UGT1A7: variants seen among roughly 807,000 people sequenced by gnomAD.
UGT1A7 encodes the protein UDP-glucuronosyltransferase 1A7.
Under a neutral mutation model 45.6 loss-of-function variants are expected in UGT1A7, and 33 were observed. The observed-to-expected ratio is 0.72, with a 90% CI of 0.55 to 0.97. UGT1A7 has a LOEUF of 0.97. Ranked by LOEUF, UGT1A7 falls within the 50% of genes least tolerant of loss-of-function variation. The pLI is 0.00. For missense variants in UGT1A7, 684 were observed against 666.2 expected, an observed-to-expected ratio of 1.03 and a Z score of -0.29; for synonymous variants, 274 against 250.6, an observed-to-expected ratio of 1.09 and a Z score of -0.88.
chr2:233,687,045 C>T (rs1028315150), intron 1 of UGT1A7, among the ~76,000 whole-genome samples: 8 of 152,150 alleles, frequency 5.3e-5, no homozygotes, highest in African/African-American at 1.2e-4. Context: ...TTTGAGCACG[C>T]GGACCCTGGA....
chr2:233,759,175 A>G (rs970817812), intron 1 of UGT1A7, among the ~76,000 whole-genome samples: 3 of 152,178 alleles, frequency 2.0e-5, no homozygotes, highest in African/African-American at 7.2e-5. Context: ...GGCAGGTTTC[A>G]CGGCAAAAAG....
At chr2:233,745,951 T>G (rs946594198) in intron 1 of UGT1A7, among the ~76,000 whole-genome samples, 1 of 151,238 alleles carries the variant, frequency 6.6e-6, no homozygotes, top group African/African-American at 2.4e-5. Context: ...GTTGGGCAAC[T>G]GGGGGACAGG....
intron 1 of UGT1A7, chr2:233,743,913 C>T: frequency 7.3e-7 from 1 of 1,365,508 alleles, no homozygotes; most frequent in South Asian, 1.1e-5. Flanking sequence ...TAGTAGTCCA[C>T]CATGCTGGAT....
chr2:233,755,134 ATCT>A (rs1231510836), intron 1 of UGT1A7: 15 of 1,316,668 alleles, frequency 1.1e-5, no homozygotes, highest in Non-Finnish European at 1.5e-5. Flanking sequence ...ACCTGCTTGA[ATCT>A]TCTCACCGCT....
intron 1 of UGT1A7, chr2:233,750,653 C>CT (rs915876685): frequency 6.6e-6 from 1 of 151,896 alleles, no homozygotes; most frequent in African/African-American, 2.4e-5. Flanking sequence ...AGCCTCAGGA[C>CT]TTGGTGCCCT....
At chr2:233,715,946 TTGACTGAC>T (rs1026670441) in intron 1 of UGT1A7, among the ~76,000 whole-genome samples, 1 of 152,220 alleles carries the variant, frequency 6.6e-6, no homozygotes, top group African/African-American at 2.4e-5. Flanking sequence ...TTGTGGTTTG[TTGACTGAC>T]TGACTGATTG....
intron 1 of UGT1A7, chr2:233,722,006 C>G (rs1031101213): frequency 6.6e-5 from 17 of 257,220 alleles, no homozygotes; most frequent in African/African-American, 2.9e-4. Context: ...TTTAAGTGAA[C>G]AGGAAAACTG....
rs553805330 is a variant in UGT1A7, at chr2:233,754,902, A to C, written c.856-12132A>C. On this transcript the variant is annotated intron_variant, in intron 1 of 4. Coordinates refer to ENST00000373426, the MANE Select transcript of UGT1A7 (RefSeq NM_019077.3). ...TCCCAGGGAGTTCCTCTGACCCCCC[A>C]AAATATTCTCCAGCGGGTTTCCCAA... 31 of 1,352,320 alleles carry C rather than the reference A, an allele frequency of 2.3e-5. No individual in the cohort carries two copies. The East Asian group carries it at 6.4e-4, about 28-fold the overall frequency. 83.8% of individuals were successfully genotyped at this position (1,352,320 alleles called of 1,614,324 possible).
chr2:233,767,049 AT>A lies in UGT1A7; in HGVS notation c.873del (p.Asn292MetfsTer71). ...KPVPMEFEAY[I>X]NASGEHGIVV... ...CTGGCTCTAGGAATTTGAAGCCTACATTAATGCTTCTGGAGAACATGGAATT... is the reference window on the plus strand; with the variant it reads ...CTGGCTCTAGGAATTTGAAGCCTACATAATGCTTCTGGAGAACATGGAATT... On this transcript the variant is annotated frameshift_variant, in exon 2 of 5. Transcript: ENST00000373426. LOFTEE classifies it high-confidence loss of function. The A allele has an allele frequency of 6.2e-7, 1 of 1,614,146 alleles. No individual in the cohort carries two copies. The highest frequency in any genetic ancestry group is 8.5e-7 in the Non-Finnish European group (1 of 1,180,002).
At chr2:233,751,693 G>A (rs1694787580) in intron 1 of UGT1A7, among the ~76,000 whole-genome samples, 1 of 152,146 alleles carries the variant, frequency 6.6e-6, no homozygotes, top group Non-Finnish European at 1.5e-5. Flanking sequence ...GGTTTTATAA[G>A]GGGCTCTTCC....
At chr2:233,718,360 T>C (rs2076649371) in intron 1 of UGT1A7, among the ~76,000 whole-genome samples, 1 of 152,232 alleles carries the variant, frequency 6.6e-6, no homozygotes, top group Non-Finnish European at 1.5e-5. Context: ...TGCTGTGTTA[T>C]TCACATATGA....
chr2:233,751,515 A>G (rs1261607058), intron 1 of UGT1A7, among the ~76,000 whole-genome samples: 1 of 152,234 alleles, frequency 6.6e-6, no homozygotes, highest in Non-Finnish European at 1.5e-5. Flanking sequence ...GCCAGAGGGC[A>G]GAATGATATG....
At chr2:233,693,331 G>C (rs754916452) in intron 1 of UGT1A7, 34 of 1,614,074 alleles carry the variant, frequency 2.1e-5, no homozygotes, top group Non-Finnish European at 2.8e-5. Flanking sequence ...CTGCTCCTCA[G>C]ACAGAGTACA....
chr2:233,695,895 G>A (rs904649392), intron 1 of UGT1A7, among the ~76,000 whole-genome samples: 2 of 152,170 alleles, frequency 1.3e-5, no homozygotes, highest in African/African-American at 4.8e-5. Flanking sequence ...GTGAACAAAT[G>A]TGTGGGGTTT....
chr2:233,768,319 G>T lies in UGT1A7; in HGVS notation c.1175G>T (p.Gly392Val), dbSNP rs367897068. 5.0e-6 allele frequency: 8 copies of T among 1,614,044 alleles called. No homozygotes were observed. Among genetic ancestry groups the T allele is most frequent in the South Asian group, 1.1e-5 (1 of 91,084 alleles). The change falls in exon 4 of 5, where the codon GGT becomes GTT. Residue 392 changes from glycine to valine, a missense_variant. Gly to Val is a moderately radical substitution (Grantham distance 109, BLOSUM62 -3). Transcript: ENST00000373426. The stretch of plus-strand genomic sequence containing the variant: ...CCCATGGTGATGATGCCCTTGTTTG[G>T]TGATCAGATGGACAATGCAAAGCGC... ...GVPMVMMPLFGDQMDNAKRME... is the reference protein window; with the variant it reads ...GVPMVMMPLFVDQMDNAKRME...
At chr2:233,755,393 A>C in intron 1 of UGT1A7, 1 of 341,520 alleles carries the variant, frequency 2.9e-6, no homozygotes, top group South Asian at 2.4e-5. Context: ...TGACGCAGCC[A>C]CATCTCATTG....
chr2:233,697,902 T>C (rs1224525194), intron 1 of UGT1A7, among the ~76,000 whole-genome samples: 1 of 152,238 alleles, frequency 6.6e-6, no homozygotes, highest in East Asian at 1.9e-4. Context: ...TCAAATCTAT[T>C]GACTCCTTCT....
intron 1 of UGT1A7, among the ~76,000 whole-genome samples, chr2:233,696,959 T>C (rs1025809299): frequency 1.3e-5 from 2 of 152,172 alleles, no homozygotes; most frequent in Admixed American, 6.5e-5. Flanking sequence ...CTTTTTAACA[T>C]ATTATTGGAT....
At chr2:233,702,470 T>C (rs1388086683) in intron 1 of UGT1A7, among the ~76,000 whole-genome samples, 1 of 152,192 alleles carries the variant, frequency 6.6e-6, no homozygotes, top group Non-Finnish European at 1.5e-5. Context: ...CTTATCTAAT[T>C]GCCCTGGCTT....
Sources: gnomAD v4.1 joint callset for allele counts (sites outside exome capture counted in the v4.1 genomes callset) on GRCh38, gnomAD v4.1.1 for gene constraint, MANE v1.5 for transcripts, NCBI Gene and HGNC (gene_info 2026-07-23, HGNC 2026-07-21) for gene names.